Variants in FBLIM1 observed in about 807,000 individuals in gnomAD.
FBLIM1 encodes filamin binding LIM protein 1.
Under a neutral mutation model 37.4 loss-of-function variants are expected in FBLIM1, and 29 were observed. The ratio of observed to expected loss-of-function variants is 0.77; its 90% CI spans 0.58 to 1.06. The LOEUF is 1.06. Among genes scored for constraint, FBLIM1 ranks in the 50% least tolerant of loss-of-function variants. The pLI, the probability that FBLIM1 is intolerant of heterozygous loss-of-function variation, is 0.00. For missense variants in FBLIM1, 449 were observed against 505.6 expected, an observed-to-expected ratio of 0.89 and a Z score of 1.07; for synonymous variants, 193 against 199.0, an observed-to-expected ratio of 0.97 and a Z score of 0.25.
chr1:15,783,238 T>G (rs986341456), intron 8 of FBLIM1, among the ~76,000 whole-genome samples: 1 of 152,184 alleles, frequency 6.6e-6, no homozygotes, highest in African/African-American at 2.4e-5. Context: ...TTGGTAGAAT[T>G]TGGGCCCCGA....
chr1:15,776,211 C>T (rs576862016), intron 7 of FBLIM1, among the ~76,000 whole-genome samples: 4 of 151,440 alleles, frequency 2.6e-5, no homozygotes, highest in South Asian at 2.1e-4. Flanking sequence ...GAGCCGAGAT[C>T]GCACCACTGC....
rs971106157 is a variant in FBLIM1 at position 15,785,409 on chromosome 1, C to G, written c.*748C>G. ...CAGCACTTTGGGAGGCCAAGGCAGG[C>G]AGATCACTTGAGGTCAGGAGTTTGA... On this transcript the variant is annotated 3_prime_UTR_variant, in exon 9 of 9. Coordinates refer to ENST00000375766, the MANE Select transcript of FBLIM1 (RefSeq NM_017556.4). 1.3e-5 allele frequency: 2 copies of G among 150,924 alleles called. No individual in the cohort carries two copies. The highest frequency in any genetic ancestry group is 2.4e-5 in the African/African-American group (1 of 40,956). The allele number at this position is 150,924 out of a possible 1,614,324, so 9.3% of individuals were successfully genotyped here.
intron 1 of FBLIM1, among the ~76,000 whole-genome samples, chr1:15,759,486 C>T (rs1249787743): frequency 1.3e-5 from 2 of 152,176 alleles, no homozygotes; most frequent in East Asian, 3.9e-4. Context: ...GAGGCTGGGG[C>T]CGCGCCCAGA....
intron 3 of FBLIM1, among the ~76,000 whole-genome samples, chr1:15,767,130 C>A (rs1481160250): frequency 4.0e-5 from 6 of 151,818 alleles, no homozygotes; most frequent in Admixed American, 3.9e-4. Context: ...TGGGTTCAAG[C>A]GAACTGCCTA....
chr1:15,770,914 G>A (rs2069170118), intron 6 of FBLIM1, among the ~76,000 whole-genome samples: 1 of 152,148 alleles, frequency 6.6e-6, no homozygotes, highest in South Asian at 2.1e-4. Flanking sequence ...TCTGCCTTTT[G>A]CAATTTCTTT....
At position 15,784,778 on chromosome 1, in the gene FBLIM1, C is replaced by T. The variant is rs1299103993; in HGVS notation, c.*117C>T. ...CCTTCTGAGCCTCCATGGAGACCAG[C>T]CTGCAAGCCGGCCCAGCCTGTCCAG... On this transcript the variant is annotated 3_prime_UTR_variant, in exon 9 of 9. Transcript: ENST00000375766. 8 of 866,328 alleles carry T rather than the reference C, an allele frequency of 9.2e-6. No homozygotes were observed. Among genetic ancestry groups the T allele is most frequent in the Non-Finnish European group, 1.4e-5 (8 of 552,838 alleles). The allele number at this position is 866,328 out of a possible 1,614,324, so 53.7% of individuals were successfully genotyped here. A position where few individuals can be genotyped will look rare whatever the true frequency, so the allele number is the denominator to read the frequency against.
chr1:15,781,703 T>C (rs555277123), intron 8 of FBLIM1, among the ~76,000 whole-genome samples: 3 of 150,558 alleles, frequency 2.0e-5, no homozygotes, highest in African/African-American at 7.3e-5. Context: ...AATACTTTTA[T>C]ATGTAGGTAG....
rs1445260569 is a variant in FBLIM1 at position 15,768,610 on chromosome 1, T to A, written c.521T>A (p.Val174Asp). The A allele has an allele frequency of 1.2e-6, 2 of 1,611,898 alleles. No homozygotes were observed. Among genetic ancestry groups the A allele is most frequent in the East Asian group, 4.5e-5 (2 of 44,648 alleles). ...CTGCCACCTCCCCCGGCAGAACCTG[T>A]TGAGAAAGGGGCATCCACAGGTAGG... The part of the protein sequence containing the change: ...EELPPPPAEP[V>D]EKGASTDICA... The change falls in exon 5 of 9, where the codon GTT becomes GAT. Residue 174 changes from valine (V) to aspartate (D), a missense_variant. Physicochemically the swap from Val to Asp is radical, Grantham distance 152 (BLOSUM62 -3). Coordinates refer to ENST00000375766, the MANE Select transcript of FBLIM1 (RefSeq NM_017556.4).
In FBLIM1 at chr1:15,764,605, C is replaced by T. The variant is rs754039381; in HGVS notation, c.-101C>T. The T allele has an allele frequency of 9.9e-6, 2 of 202,492 alleles. No individual in the cohort carries two copies. Among genetic ancestry groups the T allele is most frequent in the African/African-American group, 2.3e-5 (1 of 43,028 alleles). 12.5% of individuals were successfully genotyped at this position (202,492 alleles called of 1,614,324 possible). ...GGCAGGCGGGACTCCAGACTGGGAA[C>T]GGAAGTCAGCCCTGCTGGGGCTGGG... On this transcript the variant is annotated 5_prime_UTR_variant, in exon 2 of 9. It adds an upstream start codon to the 5' untranslated region. Coordinates refer to ENST00000375766, the MANE Select transcript of FBLIM1 (RefSeq NM_017556.4).
At chr1:15,764,809 A>T in intron 2 of FBLIM1, 124 bp downstream of exon 2, 1 of 932,228 alleles carries the variant, frequency 1.1e-6, no homozygotes, top group African/African-American at 1.7e-5. Context: ...GGACACCCCC[A>T]CCCCTTCTCT....
chr1:15,760,915 C>T lies in FBLIM1; in HGVS notation c.-211+2067C>T, dbSNP rs531939340. Among the ~76,000 whole-genome samples, 11 of 152,196 alleles carry T rather than the reference C, an allele frequency of 7.2e-5. No homozygotes were observed. In the East Asian group the frequency reaches 9.7e-4, roughly 13 times the overall value. ...CCCAGCTGAATCGGTGGCAGTGGGA[C>T]GGGAGGGAAGCCGGGGCTCCCTCTC... On this transcript the variant is annotated intron_variant, in intron 1 of 8. Transcript: ENST00000375766.
At chr1:15,776,197 C>T (rs1466551613) in intron 7 of FBLIM1, among the ~76,000 whole-genome samples, 3 of 152,094 alleles carry the variant, frequency 2.0e-5, no homozygotes, top group African/African-American at 7.2e-5. Context: ...GCAGAGGTTG[C>T]AGTGAGCCGA....
At chr1:15,778,852 G>A (rs1380013504) in intron 8 of FBLIM1, among the ~76,000 whole-genome samples, 1 of 151,970 alleles carries the variant, frequency 6.6e-6, no homozygotes, top group African/African-American at 2.4e-5. Context: ...ATGTTGGTCA[G>A]GCTGGTCTCA....
chr1:15,763,837 AC>A (rs574845722), intron 1 of FBLIM1, among the ~76,000 whole-genome samples: 16 of 151,828 alleles, frequency 1.1e-4, no homozygotes, highest in African/African-American at 3.9e-4. Context: ...ATGGGGTTTC[AC>A]CATGTTGGCA....
rs58547249 is a variant in FBLIM1 at position 15,774,565 on chromosome 1, G to A, written c.712-53G>A. The A allele has an allele frequency of 3.8e-3, 5,936 of 1,554,772 alleles. 191 individuals carry two copies. The African/African-American group carries it at 0.069, about 18-fold the overall frequency. Reference sequence around the variant, plus strand: ...AGCCTCTCAGAAGAAGACGACCCTCGTGGGTTGGGGTGGGTGTGTCGTGGA... The same window carrying A: ...AGCCTCTCAGAAGAAGACGACCCTCATGGGTTGGGGTGGGTGTGTCGTGGA... On this transcript the variant is annotated intron_variant, in intron 6 of 8. Transcript: ENST00000375766.
Position 15,784,431 on chromosome 1 carries a change from T to C in FBLIM1, c.1009-117T>C, listed in dbSNP as rs2069725078. 6 of 753,952 alleles carry C rather than the reference T, an allele frequency of 8.0e-6. No individual in the cohort carries two copies. In the East Asian group the frequency reaches 1.5e-4, roughly 19 times the overall value. 46.7% of individuals were successfully genotyped at this position (753,952 alleles called of 1,614,324 possible). Reference sequence around the variant, plus strand: ...CAGTGAGCAGCCTCCTTCCTCCCACTTAGGAAGGGCATCCACTCATGCAGT... The same window carrying C: ...CAGTGAGCAGCCTCCTTCCTCCCACCTAGGAAGGGCATCCACTCATGCAGT... On this transcript the variant is annotated intron_variant, in intron 8 of 8. Coordinates refer to ENST00000375766, the MANE Select transcript of FBLIM1 (RefSeq NM_017556.4).
intron 5 of FBLIM1, among the ~76,000 whole-genome samples, chr1:15,769,527 G>T (rs2069099771): frequency 1.3e-5 from 2 of 152,124 alleles, no homozygotes; most frequent in African/African-American, 4.8e-5. Flanking sequence ...GCTCCTGGCT[G>T]GGTGTAGTGG....
chr1:15,759,601 C>T (rs999803056), intron 1 of FBLIM1, among the ~76,000 whole-genome samples: 5 of 152,230 alleles, frequency 3.3e-5, no homozygotes, highest in Non-Finnish European at 7.3e-5. Context: ...GCCTAACCAG[C>T]TGTCCTTCTC....
intron 3 of FBLIM1, 52 bp from the exon 4 acceptor site, chr1:15,767,324 C>T: frequency 6.7e-7 from 1 of 1,489,076 alleles, no homozygotes; most frequent in South Asian, 1.4e-5. Flanking sequence ...GTAAAACCCT[C>T]CCAGGTCCAC....
Sources: allele counts gnomAD v4.1 joint callset (sites outside exome capture counted in the v4.1 genomes callset), GRCh38; gene constraint gnomAD v4.1.1; transcripts MANE v1.5; gene names NCBI Gene and HGNC (gene_info 2026-07-23, HGNC 2026-07-21).